Variants in CACNA2D3 observed in about 807,000 individuals in gnomAD.
CACNA2D3 encodes calcium voltage-gated channel auxiliary subunit alpha2delta 3.
Under a neutral mutation model 160.6 loss-of-function variants are expected in CACNA2D3, and 60 were observed. The ratio of observed to expected loss-of-function variants is 0.37; its 90% CI spans 0.30 to 0.46. CACNA2D3 has a LOEUF of 0.46. CACNA2D3 is among the 20% of genes least tolerant of loss of function. The pLI is 1.00. For missense variants in CACNA2D3, 1,205 were observed against 1,365.0 expected (o/e 0.88, Z 1.85); for synonymous variants, 558 against 492.9 (o/e 1.13, Z -1.75).
intron 18 of CACNA2D3, chr3:54,875,813 T>C (rs1412615658): frequency 6.6e-6 from 1 of 152,306 alleles, no homozygotes; most frequent in African/African-American, 2.4e-5. Flanking sequence ...GCGGAGAGGC[T>C]GATCACTGTC....
chr3:54,509,305 G>A (rs1450732926), intron 5 of CACNA2D3, among the ~76,000 whole-genome samples: 3 of 152,102 alleles, frequency 2.0e-5, no homozygotes, highest in East Asian at 3.9e-4. Flanking sequence ...GTGTGTGTGT[G>A]TGTGTGTTTG....
intron 27 of CACNA2D3, among the ~76,000 whole-genome samples, chr3:54,913,180 T>C (rs75680725): frequency 0.14 from 21,381 of 152,150 alleles, 1,745 homozygotes; most frequent in African/African-American, 0.22. Flanking sequence ...TCTCCTGAAC[T>C]CAAGCAATCC....
intron 11 of CACNA2D3, among the ~76,000 whole-genome samples, chr3:54,670,723 T>A (rs893303758): frequency 6.6e-6 from 1 of 152,200 alleles, no homozygotes; most frequent in Non-Finnish European, 1.5e-5. Flanking sequence ...TTTTTCACAT[T>A]TAATTTTCAG....
intron 3 of CACNA2D3, among the ~76,000 whole-genome samples, chr3:54,329,487 C>G (rs1041596586): frequency 6.6e-6 from 1 of 152,192 alleles, no homozygotes; most frequent in African/African-American, 2.4e-5. Context: ...CATGGACTTT[C>G]CAGAATCCTC....
chr3:54,621,574 T>G (rs1698988479), intron 9 of CACNA2D3, among the ~76,000 whole-genome samples: 1 of 152,242 alleles, frequency 6.6e-6, no homozygotes, highest in Non-Finnish European at 1.5e-5. Flanking sequence ...TGTCACCATT[T>G]CCAATAAATG....
chr3:54,911,351 C>CTTTTTTTTTTTTTTTTT lies in CACNA2D3; in HGVS notation c.2449+11489_2449+11505dup, dbSNP rs58289082. ...CCTCCTCCCCCTCCTTCTTTGTCGT[C>CTTTTTTTTTTTTTTTTT]TTTTTTTTTTTTTTTTTTTTTTAAA... On this transcript the variant is annotated intron_variant, in intron 27 of 37. Coordinates refer to ENST00000474759, the MANE Select transcript of CACNA2D3 (RefSeq NM_018398.3). Among the ~76,000 whole-genome samples the CTTTTTTTTTTTTTTTTT allele has an allele frequency of 3.8e-4, 22 of 58,582 alleles. 4 individuals carry two copies. Among genetic ancestry groups the CTTTTTTTTTTTTTTTTT allele is most frequent in the African/African-American group, 1.2e-3 (14 of 11,312 alleles). The allele number at this position is 58,582 out of a possible 152,430, so 38.4% of individuals were successfully genotyped here.
At chr3:54,204,902 A>C (rs1337592581) in intron 2 of CACNA2D3, among the ~76,000 whole-genome samples, 1 of 152,064 alleles carries the variant, frequency 6.6e-6, no homozygotes, top group Non-Finnish European at 1.5e-5. Flanking sequence ...AGATGAAAGA[A>C]TATATTGCAG....
intron 21 of CACNA2D3, among the ~76,000 whole-genome samples, chr3:54,883,799 A>ATCTC (rs9311543): frequency 1.6e-4 from 17 of 107,480 alleles, no homozygotes; most frequent in Non-Finnish European, 2.6e-4. Flanking sequence ...TTACAATGGA[A>ATCTC]TCTCTCTCTC....
At chr3:54,810,103 G>T (rs933114827) in intron 13 of CACNA2D3, among the ~76,000 whole-genome samples, 1 of 152,206 alleles carries the variant, frequency 6.6e-6, no homozygotes, top group African/African-American at 2.4e-5. Flanking sequence ...AAGTGGGGTA[G>T]TCAGAGAATT....
At chr3:54,525,056 T>C (rs527278320) in intron 5 of CACNA2D3, among the ~76,000 whole-genome samples, 1 of 152,266 alleles carries the variant, frequency 6.6e-6, no homozygotes, top group South Asian at 2.1e-4. Context: ...GTATATAGTA[T>C]ACTAAAGAAA....
chr3:54,350,982 GT>G (rs1491034355), intron 3 of CACNA2D3, among the ~76,000 whole-genome samples: 1 of 61,800 alleles, frequency 1.6e-5, no homozygotes, highest in African/African-American at 6.6e-5. Context: ...TTTTTTTTTT[GT>G]TTGTTTTTTT....
At chr3:54,841,412 G>A (rs1392296377) in intron 16 of CACNA2D3, among the ~76,000 whole-genome samples, 1 of 152,214 alleles carries the variant, frequency 6.6e-6, no homozygotes, top group Non-Finnish European at 1.5e-5. Flanking sequence ...CAAGGGTCAA[G>A]CTGGGAACCA....
intron 4 of CACNA2D3, among the ~76,000 whole-genome samples, chr3:54,466,393 T>C (rs1036704315): frequency 6.6e-6 from 1 of 152,212 alleles, no homozygotes; most frequent in Non-Finnish European, 1.5e-5. Context: ...ATGCTGGTTA[T>C]ACCACCCATT....
At chr3:55,047,896 CTGTT>C (rs1412631659) in intron 35 of CACNA2D3, among the ~76,000 whole-genome samples, 4 of 133,684 alleles carry the variant, frequency 3.0e-5, no homozygotes, top group Non-Finnish European at 4.8e-5. Flanking sequence ...ATTTGGCTCT[CTGTT>C]TGTCTGTTAT....
At chr3:54,722,236 C>T (rs753159726) in intron 11 of CACNA2D3, among the ~76,000 whole-genome samples, 3 of 152,172 alleles carry the variant, frequency 2.0e-5, no homozygotes, top group Non-Finnish European at 2.9e-5. Flanking sequence ...TCACGAAGTT[C>T]TCATGCTGTG....
At chr3:54,154,314 C>A (rs1472087999) in intron 2 of CACNA2D3, among the ~76,000 whole-genome samples, 1 of 152,126 alleles carries the variant, frequency 6.6e-6, no homozygotes, top group Non-Finnish European at 1.5e-5. Context: ...TCATTAAATA[C>A]AATAACCTGA....
intron 35 of CACNA2D3, among the ~76,000 whole-genome samples, chr3:55,033,792 TA>T (rs1703740545): frequency 7.6e-6 from 1 of 132,186 alleles, no homozygotes; most frequent in African/African-American, 2.9e-5. Context: ...ATATTAAATA[TA>T]TTTTATATAA....
chr3:54,916,539 T>C (rs756567738), intron 27 of CACNA2D3, among the ~76,000 whole-genome samples: 3 of 152,198 alleles, frequency 2.0e-5, no homozygotes, highest in African/African-American at 7.2e-5. Context: ...ATTTAAACTT[T>C]GTCCCCTAGA....
At chr3:54,166,274 A>G (rs537280363) in intron 2 of CACNA2D3, among the ~76,000 whole-genome samples, 8 of 152,360 alleles carry the variant, frequency 5.3e-5, no homozygotes, top group South Asian at 4.1e-4. Context: ...TGGCAACCAA[A>G]GTCCATCATG....
Sources: allele counts gnomAD v4.1 joint callset (sites outside exome capture counted in the v4.1 genomes callset), GRCh38; gene constraint gnomAD v4.1.1; transcripts MANE v1.5; gene names NCBI Gene and HGNC (gene_info 2026-07-23, HGNC 2026-07-21).